The following SETD3 variants were observed in gnomAD, a reference collection of about 807,000 sequenced individuals.
The protein encoded by SETD3 is SET domain containing 3, actin N3(tau)-histidine methyltransferase.
SETD3 carries 19 observed loss-of-function variants against 63.0 expected under a neutral mutation model. That is an observed-to-expected ratio of 0.30 (90% CI 0.21 to 0.44). The LOEUF (loss-of-function observed/expected upper bound fraction) is 0.44. Ranked by LOEUF, SETD3 falls within the 20% of genes least tolerant of loss-of-function variation. The probability of loss-of-function intolerance (pLI) is 1.00; values close to 1 mark genes in which losing one functional copy is unlikely to be tolerated. For synonymous variants in SETD3, 286 were observed against 264.1 expected (o/e 1.08, Z -0.80); for missense variants, 587 against 728.5 (o/e 0.81, Z 2.24).
chr14:99,411,602 T>C (rs758600531), intron 8 of SETD3: 7 of 152,138 alleles, frequency 4.6e-5, no homozygotes, highest in Admixed American at 1.3e-4. Context: ...TAATAATCAA[T>C]TGAGTTTGGG....
At chr14:99,479,509 T>C (rs1457530780) in intron 1 of SETD3, among the ~76,000 whole-genome samples, 1 of 152,224 alleles carries the variant, frequency 6.6e-6, no homozygotes, top group Middle Eastern at 3.2e-3. Flanking sequence ...GTTAAATGTA[T>C]TCGCTTAAAA....
intron 6 of SETD3, among the ~76,000 whole-genome samples, chr14:99,425,594 G>A (rs896502653): frequency 2.0e-5 from 3 of 152,214 alleles, no homozygotes; most frequent in African/African-American, 4.8e-5. Context: ...CTTTGTACAC[G>A]GCAGGTGCAG....
chr14:99,441,542 C>T (rs1159443102), intron 6 of SETD3, among the ~76,000 whole-genome samples: 1 of 152,268 alleles, frequency 6.6e-6, no homozygotes, highest in Non-Finnish European at 1.5e-5. Context: ...GAGGACAAAA[C>T]CGCACGCTAG....
intron 1 of SETD3, among the ~76,000 whole-genome samples, chr14:99,475,916 G>C (rs572884839): frequency 6.6e-6 from 1 of 152,314 alleles, no homozygotes; most frequent in South Asian, 2.1e-4. Flanking sequence ...TCTTCAGCAA[G>C]ATAAATGTGC....
At chr14:99,466,445 C>A (rs948150131) in intron 1 of SETD3, among the ~76,000 whole-genome samples, 2 of 152,246 alleles carry the variant, frequency 1.3e-5, no homozygotes, top group Non-Finnish European at 2.9e-5. Flanking sequence ...ACACACGGGT[C>A]CTCTGCGGGC....
intron 11 of SETD3, 139 bp downstream of exon 11, chr14:99,404,086 C>T: frequency 1.7e-6 from 1 of 592,700 alleles, no homozygotes; most frequent in East Asian, 3.0e-5. Context: ...TTTCTTCTTT[C>T]TCCAGTATTG....
chr14:99,425,973 G>A (rs1346071648), intron 6 of SETD3, among the ~76,000 whole-genome samples: 1 of 151,996 alleles, frequency 6.6e-6, no homozygotes, highest in Admixed American at 6.5e-5. Flanking sequence ...AAAAAAACAA[G>A]CTGTTGTATT....
intron 1 of SETD3, among the ~76,000 whole-genome samples, chr14:99,466,501 T>C (rs1337981826): frequency 1.3e-5 from 2 of 152,084 alleles, no homozygotes; most frequent in African/African-American, 4.8e-5. Context: ...TGAGACCATG[T>C]GGTATAGGAC....
intron 6 of SETD3, among the ~76,000 whole-genome samples, chr14:99,437,439 G>A (rs1337239251): frequency 2.0e-5 from 3 of 152,064 alleles, no homozygotes; most frequent in Non-Finnish European, 4.4e-5. Flanking sequence ...GGGCTACTCC[G>A]CCAACCCCTC....
intron 1 of SETD3, among the ~76,000 whole-genome samples, chr14:99,473,998 C>T (rs1333947274): frequency 2.0e-5 from 3 of 152,172 alleles, no homozygotes; most frequent in Non-Finnish European, 2.9e-5. Flanking sequence ...CACGGCTAAC[C>T]GGCACCTATC....
rs751729016 is a variant in SETD3, at chr14:99,399,004, T to G, written c.1460A>C (p.Glu487Ala). The G allele has an allele frequency of 6.2e-7, 1 of 1,614,234 alleles. No homozygotes were observed. Among genetic ancestry groups the G allele is most frequent in the Non-Finnish European group, 8.5e-7 (1 of 1,180,050 alleles). Residue 487 changes from glutamate (E) to alanine (A), a missense_variant, in exon 13 of 13, where the codon GAA (glutamate) becomes GCA (alanine). Glu to Ala is a moderately radical substitution (Grantham distance 107). Transcript: ENST00000331768. ...TTCCTCCATCTGTTGGCGATAGTATTCCCGGTTGACAGCTGCACTCTTTAC... is the reference window on the plus strand; with the variant it reads ...TTCCTCCATCTGTTGGCGATAGTATGCCCGGTTGACAGCTGCACTCTTTAC... The part of the protein sequence containing the change: ...KAVKSAAVNR[E>A]YYRQQMEEKA...
chr14:99,410,048 T>G, intron 8 of SETD3: 1 of 615,134 alleles, frequency 1.6e-6, no homozygotes, highest in Non-Finnish European at 2.9e-6. Context: ...TAGAGGGAAA[T>G]GTAACAGGAC....
At chr14:99,463,359 G>A (rs1034823934) in intron 3 of SETD3, 127 bp downstream of exon 3, 28 of 654,738 alleles carry the variant, frequency 4.3e-5, no homozygotes, top group Non-Finnish European at 7.3e-5. Context: ...CGGTCTGCAA[G>A]CCCCAGTACA....
intron 6 of SETD3, among the ~76,000 whole-genome samples, chr14:99,419,584 G>A (rs1457228313): frequency 6.6e-6 from 1 of 151,910 alleles, no homozygotes. Flanking sequence ...GACCATCCCG[G>A]CTAAAACGGT....
chr14:99,451,527 G>A lies in SETD3; in HGVS notation c.675+6752C>T, dbSNP rs539836434. On this transcript the variant is annotated intron_variant, in intron 6 of 12. Coordinates refer to ENST00000331768, the MANE Select transcript of SETD3 (RefSeq NM_032233.3). ...TTTTCTTTTTTTGAGACAGGGTATCGCTCTGTCGCTGGATTAGGGTTAGGG... is the reference window on the plus strand; with the variant it reads ...TTTTCTTTTTTTGAGACAGGGTATCACTCTGTCGCTGGATTAGGGTTAGGG... 2.4e-3 allele frequency among the ~76,000 whole-genome samples: 372 copies of A among 152,100 alleles called. 1 individual carries two copies. Among genetic ancestry groups the A allele is most frequent in the African/African-American group, 8.6e-3 (357 of 41,486 alleles).
At chr14:99,457,322 T>A (rs750975958) in intron 6 of SETD3, among the ~76,000 whole-genome samples, 1 of 152,356 alleles carries the variant, frequency 6.6e-6, no homozygotes, top group South Asian at 2.1e-4. Context: ...TTTGACATAT[T>A]TGAAGTGCTT....
At chr14:99,481,622 T>C (rs1896324940), upstream of SETD3, 2 of 391,208 alleles carry the variant, frequency 5.1e-6, no homozygotes, top group Non-Finnish European at 9.0e-6. Flanking sequence ...CCGGTACACA[T>C]TGAACTTTGC....
intron 6 of SETD3, among the ~76,000 whole-genome samples, chr14:99,456,233 A>G (rs1894753327): frequency 6.6e-6 from 1 of 152,258 alleles, no homozygotes; most frequent in Non-Finnish European, 1.5e-5. Context: ...TCTCAGTTTC[A>G]TACTTTTGAC....
chr14:99,406,635 G>A (rs1267570995), intron 8 of SETD3, 45 bp from the exon 9 acceptor site: 103 of 1,544,368 alleles, frequency 6.7e-5, no homozygotes, highest in Non-Finnish European at 9.2e-5. Flanking sequence ...GCAAACACAC[G>A]CACATCTCAC....
Sources: allele counts gnomAD v4.1 joint callset (sites outside exome capture counted in the v4.1 genomes callset), GRCh38; gene constraint gnomAD v4.1.1; transcripts MANE v1.5; gene names NCBI Gene and HGNC (gene_info 2026-07-23, HGNC 2026-07-21).